Variants in GALNT2 observed in about 807,000 individuals in gnomAD.
The protein encoded by GALNT2 is UDP-GalNAc:polypeptide N-acetylgalactosaminyltransferase 2.
Under a neutral mutation model 81.4 loss-of-function variants are expected in GALNT2, and 31 were observed. That is an observed-to-expected ratio of 0.38 (90% CI 0.29 to 0.51). The LOEUF is 0.51. Ranked by LOEUF, GALNT2 falls within the 20% of genes least tolerant of loss-of-function variation. The probability of loss-of-function intolerance (pLI) is 0.87; values close to 1 mark genes in which losing one functional copy is unlikely to be tolerated. For missense variants in GALNT2, 629 were observed against 765.7 expected (o/e 0.82, Z 2.11); for synonymous variants, 303 against 287.4 (o/e 1.05, Z -0.55).
intron 3 of GALNT2, among the ~76,000 whole-genome samples, chr1:230,206,419 G>C (rs1664059168): frequency 6.6e-6 from 1 of 152,128 alleles, no homozygotes; most frequent in Non-Finnish European, 1.5e-5. Context: ...TAAAGGGGCA[G>C]CTGGGATGCC....
At chr1:230,225,473 C>T (rs532054874) in intron 3 of GALNT2, among the ~76,000 whole-genome samples, 5 of 152,306 alleles carry the variant, frequency 3.3e-5, no homozygotes, top group Admixed American at 2.0e-4. Context: ...CAGTCTCCAG[C>T]TTGGGCTAGA....
At chr1:230,192,533 G>A (rs1270583985) in intron 2 of GALNT2, among the ~76,000 whole-genome samples, 1 of 152,138 alleles carries the variant, frequency 6.6e-6, no homozygotes, top group African/African-American at 2.4e-5. Flanking sequence ...TGTACAATAG[G>A]CTAAATTTAT....
chr1:230,223,095 C>G (rs772667062), intron 3 of GALNT2, among the ~76,000 whole-genome samples: 3 of 151,960 alleles, frequency 2.0e-5, no homozygotes, highest in Non-Finnish European at 4.4e-5. Context: ...CTAGGAGTTT[C>G]TGCTTATTTC....
intron 1 of GALNT2, among the ~76,000 whole-genome samples, chr1:230,135,843 G>A (rs1017747990): frequency 1.3e-5 from 2 of 151,726 alleles, no homozygotes; most frequent in Non-Finnish European, 2.9e-5. Flanking sequence ...GCACCACCAC[G>A]CCTGGCTAAC....
chr1:230,066,662 G>C (rs751824722), upstream of GALNT2, among the ~76,000 whole-genome samples: 2 of 152,248 alleles, frequency 1.3e-5, no homozygotes, highest in Non-Finnish European at 2.9e-5. Flanking sequence ...ACTCAGGTCA[G>C]TTGGCCAATA....
At chr1:230,278,578 G>A (rs1198627193) in intron 15 of GALNT2, among the ~76,000 whole-genome samples, 3 of 152,098 alleles carry the variant, frequency 2.0e-5, no homozygotes, top group Non-Finnish European at 4.4e-5. Flanking sequence ...AAGAGGCATC[G>A]TACCCTGTAC....
At chr1:230,200,855 A>T (rs1001555872) in intron 2 of GALNT2, among the ~76,000 whole-genome samples, 10 of 152,220 alleles carry the variant, frequency 6.6e-5, no homozygotes, top group Non-Finnish European at 1.3e-4. Flanking sequence ...TTTATTCCAT[A>T]GTTCAAAGTT....
chr1:230,269,272 G>A (rs1391535210), intron 14 of GALNT2, among the ~76,000 whole-genome samples: 6 of 141,824 alleles, frequency 4.2e-5, no homozygotes, highest in Non-Finnish European at 1.5e-5. Context: ...TGCCACCTCC[G>A]CCTCCCAGGT....
intron 1 of GALNT2, among the ~76,000 whole-genome samples, chr1:230,060,926 T>TTC (rs1445943390): frequency 6.6e-6 from 1 of 151,936 alleles, no homozygotes; most frequent in Non-Finnish European, 1.5e-5. Flanking sequence ...GCTTCTCTCT[T>TTC]TCTCTCTCTC....
At chr1:230,173,460 T>G (rs58984875) in intron 1 of GALNT2, among the ~76,000 whole-genome samples, 3,368 of 152,296 alleles carry the variant, frequency 0.022, 105 homozygotes, top group African/African-American at 0.072. Flanking sequence ...CTGCATTCAC[T>G]GTCAACATCC....
chr1:230,093,500 C>T (rs1218472685), intron 1 of GALNT2, among the ~76,000 whole-genome samples: 5 of 152,174 alleles, frequency 3.3e-5, no homozygotes, highest in South Asian at 2.1e-4. Context: ...AGATCGGCTG[C>T]GGGCTGTGTT....
chr1:230,145,661 A>G (rs927400191), intron 1 of GALNT2, among the ~76,000 whole-genome samples: 1 of 152,226 alleles, frequency 6.6e-6, no homozygotes, highest in African/African-American at 2.4e-5. Context: ...CCACCTTGGC[A>G]TAGTGCCAAT....
At chr1:230,066,622 T>C (rs1016453707), upstream of GALNT2, among the ~76,000 whole-genome samples, 1 of 152,082 alleles carries the variant, frequency 6.6e-6, no homozygotes, top group Non-Finnish European at 1.5e-5. Flanking sequence ...AGCAGCAAAG[T>C]CGGGTTCAAG....
intron 1 of GALNT2, among the ~76,000 whole-genome samples, chr1:230,156,824 G>A (rs1242564865): frequency 2.6e-5 from 4 of 152,202 alleles, no homozygotes; most frequent in Non-Finnish European, 5.9e-5. Context: ...ATGTGAAGAT[G>A]AAATGTTGGG....
chr1:230,100,783 G>A (rs909993241), intron 1 of GALNT2, among the ~76,000 whole-genome samples: 5 of 152,208 alleles, frequency 3.3e-5, no homozygotes, highest in African/African-American at 7.2e-5. Flanking sequence ...CAAAGTCGAT[G>A]TGTGTATATG....
At chr1:230,254,535 C>T (rs551618550) in intron 10 of GALNT2, among the ~76,000 whole-genome samples, 6 of 152,282 alleles carry the variant, frequency 3.9e-5, no homozygotes, top group South Asian at 4.1e-4. Flanking sequence ...GTCCATAGTC[C>T]GTAAGTCCAA....
At chr1:230,175,943 A>G (rs1287762493) in intron 1 of GALNT2, among the ~76,000 whole-genome samples, 2 of 152,106 alleles carry the variant, frequency 1.3e-5, no homozygotes, top group South Asian at 2.1e-4. Context: ...AACCTGGACA[A>G]ATTGCTTAGC....
At position 230,271,887 on chromosome 1, in the gene GALNT2, G is replaced by T. The variant is rs1050111290; in HGVS notation, c.1441-2558G>T. ...TCCAGCTCCTCTTCCCTTCCCAGAGGATGGGGTGGCGGGGGACTGACGGTT... is the reference window on the plus strand; with the variant it reads ...TCCAGCTCCTCTTCCCTTCCCAGAGTATGGGGTGGCGGGGGACTGACGGTT... On this transcript the variant is annotated intron_variant, in intron 14 of 15. Coordinates refer to ENST00000366672, the MANE Select transcript of GALNT2 (RefSeq NM_004481.5). The surrounding 1 kb of genome is among the most constrained non-coding windows in gnomAD (Gnocchi z 4.2). Among the ~76,000 whole-genome samples, 1 of 152,242 alleles carries T rather than the reference G, an allele frequency of 6.6e-6. No homozygotes were observed. Among genetic ancestry groups the T allele is most frequent in the African/African-American group, 2.4e-5 (1 of 41,472 alleles).
At chr1:230,077,055 A>T (rs548258485) in intron 1 of GALNT2, among the ~76,000 whole-genome samples, 2 of 152,260 alleles carry the variant, frequency 1.3e-5, no homozygotes, top group South Asian at 4.1e-4. Context: ...TGTTTTGGAG[A>T]TGCCCATGAA....
Sources: gnomAD v4.1 joint callset for allele counts (sites outside exome capture counted in the v4.1 genomes callset) on GRCh38, gnomAD v4.1.1 for gene constraint, Gnocchi (gnomAD v3.1) non-coding constraint, MANE v1.5 for transcripts, NCBI Gene and HGNC (gene_info 2026-07-23, HGNC 2026-07-21) for gene names.